The following LRRC37A2 variants were observed in gnomAD, a reference collection of about 807,000 sequenced individuals.
The protein encoded by LRRC37A2 is leucine-rich repeat-containing protein 37A2.
A neutral mutation model predicts 68.8 loss-of-function variants in LRRC37A2; 9 were observed. The observed-to-expected ratio is 0.13, with a 90% CI of 0.08 to 0.23. The LOEUF (loss-of-function observed/expected upper bound fraction) is 0.23. Ranked by LOEUF, LRRC37A2 falls within the 10% of genes least tolerant of loss-of-function variation. LRRC37A2 has a pLI of 1.00. For synonymous variants in LRRC37A2, 63 were observed against 367.6 expected, an observed-to-expected ratio of 0.17 and a Z score of 9.48; for missense variants, 168 against 950.4, an observed-to-expected ratio of 0.18 and a Z score of 10.82.
the LRRC37A2 span, among the ~76,000 whole-genome samples, chr17:46,723,689 C>G: frequency 1.3e-5 from 2 of 152,166 alleles, no homozygotes; most frequent in Non-Finnish European, 2.9e-5. Flanking sequence ...TTTTCTCTTT[C>G]ATCACCACAC....
At chr17:46,939,725 C>G in the LRRC37A2 span, 2 of 986,566 alleles carry the variant, frequency 2.0e-6, no homozygotes, top group Non-Finnish European at 2.4e-6. Flanking sequence ...GTGGAGACAT[C>G]TGTAGTGTGT....
At chr17:46,900,566 C>G in the LRRC37A2 span, among the ~76,000 whole-genome samples, 1 of 152,092 alleles carries the variant, frequency 6.6e-6, no homozygotes, top group Admixed American at 6.6e-5. Flanking sequence ...ATTTCTTGAG[C>G]CCCCTGGAAG....
At chr17:47,037,034 A>G in the LRRC37A2 span, among the ~76,000 whole-genome samples, 21 of 134,020 alleles carry the variant, frequency 1.6e-4, no homozygotes, top group Admixed American at 8.6e-4. Flanking sequence ...TCACACCTGT[A>G]ATCCCAGCAC....
chr17:46,500,528 C>T, the LRRC37A2 span, among the ~76,000 whole-genome samples: 2 of 149,710 alleles, frequency 1.3e-5, no homozygotes, highest in Non-Finnish European at 2.9e-5. Context: ...TTAGGAAGGA[C>T]TGTTTCGAGG....
the LRRC37A2 span, among the ~76,000 whole-genome samples, chr17:47,003,203 G>A: frequency 2.1e-5 from 3 of 141,198 alleles, no homozygotes; most frequent in Non-Finnish European, 3.0e-5. Context: ...TCAGTGAGTC[G>A]TGATGGTGCC....
At chr17:46,904,072 T>A in the LRRC37A2 span, among the ~76,000 whole-genome samples, 4 of 149,702 alleles carry the variant, frequency 2.7e-5, no homozygotes, top group African/African-American at 9.9e-5. Flanking sequence ...GGTGAGTGAC[T>A]GGGTAGATGA....
the LRRC37A2 span, among the ~76,000 whole-genome samples, chr17:46,866,236 G>A: frequency 2.5e-4 from 38 of 152,252 alleles, 1 homozygote; most frequent in South Asian, 3.3e-3. Context: ...TCAAAAAAGG[G>A]CTGCCCAGAG....
At chr17:46,728,968 C>CA in the LRRC37A2 span, 1 of 1,309,198 alleles carries the variant, frequency 7.6e-7, no homozygotes, top group Non-Finnish European at 1.1e-6. Flanking sequence ...AATATTTTAA[C>CA]AAAGAGTTTT....
the LRRC37A2 span, chr17:47,017,790 C>G: frequency 6.2e-7 from 1 of 1,609,972 alleles, no homozygotes; most frequent in Non-Finnish European, 8.5e-7. Flanking sequence ...TCCAGAACTC[C>G]GGGTGAAGTC....
At chr17:46,820,395 G>A in the LRRC37A2 span, among the ~76,000 whole-genome samples, 5 of 152,010 alleles carry the variant, frequency 3.3e-5, no homozygotes, top group African/African-American at 1.2e-4. Flanking sequence ...AGAGAGAGGG[G>A]CTCAGAGATG....
the LRRC37A2 span, among the ~76,000 whole-genome samples, chr17:46,745,398 T>C: frequency 1.3e-5 from 2 of 152,216 alleles, no homozygotes; most frequent in East Asian, 1.9e-4. Flanking sequence ...ATGACCTCTT[T>C]GCAGTTTTTG....
the LRRC37A2 span, among the ~76,000 whole-genome samples, chr17:46,716,627 T>C: frequency 6.6e-6 from 1 of 152,182 alleles, no homozygotes; most frequent in Non-Finnish European, 1.5e-5. Flanking sequence ...AAATAATTTA[T>C]AGAGTTTTAT....
the LRRC37A2 span, chr17:47,024,834 G>C: frequency 3.2e-6 from 2 of 628,224 alleles, no homozygotes; most frequent in Non-Finnish European, 5.7e-6. Flanking sequence ...TAATCTCTCA[G>C]ATTTCTTTGA....
chr17:46,747,777 C>T, the LRRC37A2 span, among the ~76,000 whole-genome samples: 1 of 151,948 alleles, frequency 6.6e-6, no homozygotes, highest in Admixed American at 6.6e-5. Flanking sequence ...AAGATTAGTC[C>T]TAGAGAATCA....
At chr17:46,735,395 C>T in the LRRC37A2 span, among the ~76,000 whole-genome samples, 5 of 151,804 alleles carry the variant, frequency 3.3e-5, no homozygotes, top group African/African-American at 1.2e-4. Flanking sequence ...TCGTAGTAGT[C>T]CATGGGTGCC....
chr17:46,953,485 G>T, the LRRC37A2 span, among the ~76,000 whole-genome samples: 1 of 152,126 alleles, frequency 6.6e-6, no homozygotes, highest in Non-Finnish European at 1.5e-5. Flanking sequence ...CTTTGCTATT[G>T]TGAATAGTGC....
chr17:46,807,452 A>G, the LRRC37A2 span, among the ~76,000 whole-genome samples: 21 of 152,250 alleles, frequency 1.4e-4, no homozygotes, highest in Non-Finnish European at 4.4e-5. Context: ...ACTGCACTCC[A>G]GCCTGGGCAA....
the LRRC37A2 span, among the ~76,000 whole-genome samples, chr17:46,502,009 C>A: frequency 6.6e-6 from 1 of 151,374 alleles, no homozygotes; most frequent in South Asian, 2.1e-4. Flanking sequence ...TAACCTGTGA[C>A]CATTTCACAT....
the LRRC37A2 span, among the ~76,000 whole-genome samples, chr17:46,960,958 C>A: frequency 6.6e-6 from 1 of 151,658 alleles, no homozygotes. Context: ...TGCTCTACGT[C>A]AAAAAAGTAA....
Sources: gnomAD v4.1 joint callset for allele counts (sites outside exome capture counted in the v4.1 genomes callset) on GRCh38, gnomAD v4.1.1 for gene constraint, MANE v1.5 for transcripts, NCBI Gene and HGNC (gene_info 2026-07-23, HGNC 2026-07-21) for gene names.